ADA2: variants seen among roughly 807,000 people sequenced by gnomAD.
ADA2 encodes the protein adenosine deaminase CECR1.
In ADA2, 29 loss-of-function variants were observed where a neutral mutation model predicts 44.2. The ratio of observed to expected loss-of-function variants is 0.66; its 90% CI spans 0.49 to 0.89. The LOEUF (loss-of-function observed/expected upper bound fraction) is 0.89. Ranked by LOEUF, ADA2 falls within the 40% of genes least tolerant of loss-of-function variation. The pLI, the probability that ADA2 is intolerant of heterozygous loss-of-function variation, is 0.00. For synonymous variants in ADA2, 215 were observed against 234.9 expected, an observed-to-expected ratio of 0.92 and a Z score of 0.77; for missense variants, 637 against 644.8, an observed-to-expected ratio of 0.99 and a Z score of 0.13.
At chr22:17,215,059 C>G (rs1311035472) in intron 1 of ADA2, among the ~76,000 whole-genome samples, 1 of 152,152 alleles carries the variant, frequency 6.6e-6, no homozygotes, top group Non-Finnish European at 1.5e-5. Flanking sequence ...GCCCAGGCAT[C>G]CGTCTTGGAG....
chr22:17,203,173 G>A (rs184661339), intron 4 of ADA2, among the ~76,000 whole-genome samples: 1 of 152,128 alleles, frequency 6.6e-6, no homozygotes, highest in South Asian at 2.1e-4. Flanking sequence ...TCCCATGGAC[G>A]ATTATGCATC....
chr22:17,209,914 G>C lies in ADA2; in HGVS notation c.-46-191C>G, dbSNP rs552905852. 2.5e-4 allele frequency: 121 copies of C among 485,238 alleles called. 1 individual carries two copies. Among genetic ancestry groups the C allele is most frequent in the Non-Finnish European group, 1.0e-4 (29 of 278,006 alleles). The allele number at this position is 485,238 out of a possible 1,614,324, so 30.1% of individuals were successfully genotyped here. ...ATTTTTTTTTTTTTTTTTTTGAGAC[G>C]GAGTCTCGCTCTGCTGCCCAGGCTG... On this transcript the variant is annotated intron_variant, in intron 1 of 9. Coordinates refer to ENST00000399837, the MANE Select transcript of ADA2 (RefSeq NM_001282225.2).
chr22:17,190,127 A>T, intron 5 of ADA2, 95 bp from the exon 6 acceptor site: 3 of 988,320 alleles, frequency 3.0e-6, no homozygotes, highest in Non-Finnish European at 4.8e-6. Context: ...GGCCAGCCCC[A>T]AGTGTGCAGG....
chr22:17,208,870 C>T (rs2123714031), intron 2 of ADA2, among the ~76,000 whole-genome samples: 1 of 149,850 alleles, frequency 6.7e-6, no homozygotes, highest in South Asian at 2.1e-4. Flanking sequence ...GCTCTGTCGC[C>T]CAGGCTGGAG....
intron 4 of ADA2, among the ~76,000 whole-genome samples, chr22:17,202,116 C>T (rs112678132): frequency 0.011 from 1,592 of 150,606 alleles, 32 homozygotes; most frequent in African/African-American, 0.037. Flanking sequence ...ATTACAGGTG[C>T]GCACCACCAT....
At chr22:17,216,489 G>C (rs77114083) in intron 1 of ADA2, among the ~76,000 whole-genome samples, 2 of 152,004 alleles carry the variant, frequency 1.3e-5, no homozygotes, top group Non-Finnish European at 2.9e-5. Flanking sequence ...AACTAAGACC[G>C]GGCATGGTGG....
Position 17,179,000 on chromosome 22 carries a change from T to C in ADA2, c.*2483A>G, listed in dbSNP as rs1290860312. On this transcript the variant is annotated 3_prime_UTR_variant, in exon 10 of 10. Coordinates refer to ENST00000399837, the MANE Select transcript of ADA2 (RefSeq NM_001282225.2). ...CCAGGCACAGCTTATGGTTGCTGTT[T>C]TTTCCCAGTTCCAGGAACCAAATGG... 1 of 152,258 alleles carries C rather than the reference T, an allele frequency of 6.6e-6. No homozygotes were observed. Among genetic ancestry groups the C allele is most frequent in the Admixed American group, 6.5e-5 (1 of 15,280 alleles). The allele number at this position is 152,258 out of a possible 1,614,324, so 9.4% of individuals were successfully genotyped here.
At position 17,181,214 on chromosome 22, in the gene ADA2, C is replaced by T. The variant is rs1456554665; in HGVS notation, c.*269G>A. 1.4e-4 allele frequency: 58 copies of T among 408,926 alleles called. 1 individual carries two copies. The South Asian group carries it at 1.5e-3, about 11-fold the overall frequency. 25.3% of individuals were successfully genotyped at this position (408,926 alleles called of 1,614,324 possible). ...AGGACTGAGTCCTGAGGAAACAGCA[C>T]AGAGATCAGAGAGAGGAGAAGACTC... On this transcript the variant is annotated 3_prime_UTR_variant, in exon 10 of 10. Transcript: ENST00000399837.
intron 4 of ADA2, among the ~76,000 whole-genome samples, chr22:17,197,888 A>G (rs2062212839): frequency 1.3e-5 from 2 of 152,098 alleles, no homozygotes. Flanking sequence ...AAAATAGAAA[A>G]TTAGCCGGGT....
chr22:17,195,719 C>T (rs2062181788), intron 4 of ADA2, among the ~76,000 whole-genome samples: 1 of 151,454 alleles, frequency 6.6e-6, no homozygotes, highest in African/African-American at 2.4e-5. Context: ...ACCGATAATG[C>T]CAATCATGGA....
chr22:17,204,025 C>T (rs1162358129), intron 3 of ADA2, among the ~76,000 whole-genome samples: 9 of 152,162 alleles, frequency 5.9e-5, no homozygotes, highest in African/African-American at 2.2e-4. Context: ...GATGAGAGCT[C>T]ACCAGTCAGT....
intron 1 of ADA2, among the ~76,000 whole-genome samples, chr22:17,212,781 C>T (rs1601466203): frequency 7.0e-6 from 1 of 142,130 alleles, no homozygotes; most frequent in Admixed American, 7.1e-5. Context: ...TTCTTTCTTT[C>T]TTTTTTTTTT....
chr22:17,191,606 C>G, intron 5 of ADA2, 77 bp downstream of exon 5: 1 of 1,522,606 alleles, frequency 6.6e-7, no homozygotes, highest in South Asian at 1.2e-5. Flanking sequence ...CGCTTCTCAC[C>G]CCTCCCCTCC....
chr22:17,199,112 T>TCCCCTC (rs1353742375), intron 4 of ADA2, among the ~76,000 whole-genome samples: 1 of 151,852 alleles, frequency 6.6e-6, no homozygotes, highest in African/African-American at 2.4e-5. Flanking sequence ...AATGGGCACA[T>TCCCCTC]CCCCTCCCCC....
chr22:17,185,000 A>ATATATATATATATATATATATATATATC, intron 7 of ADA2, among the ~76,000 whole-genome samples: 1 of 134,584 alleles, frequency 7.4e-6, no homozygotes. Flanking sequence ...ATATATATAT[A>ATATATATATATATATATATATATATATC]TATATATGAA....
intron 4 of ADA2, among the ~76,000 whole-genome samples, chr22:17,194,882 G>C (rs5748938): frequency 0.012 from 1,767 of 152,030 alleles, 37 homozygotes; most frequent in South Asian, 0.066. Flanking sequence ...AATGAAGAAA[G>C]AGCTCTTTGC....
intron 4 of ADA2, among the ~76,000 whole-genome samples, 170 bp downstream of exon 4, chr22:17,203,393 C>T (rs893399799): frequency 6.6e-6 from 1 of 152,064 alleles, no homozygotes; most frequent in African/African-American, 2.4e-5. Flanking sequence ...TGGAGGCTGC[C>T]CAGTCCATTT....
At chr22:17,191,866 C>T in intron 4 of ADA2, 56 bp from the exon 5 acceptor site, 5 of 1,557,542 alleles carry the variant, frequency 3.2e-6, no homozygotes, top group Non-Finnish European at 4.3e-6. Context: ...ACGCCACCCC[C>T]TTCCCAGCCA....
Position 17,209,523 on chromosome 22 carries a change from A to G in ADA2, c.155T>C (p.Leu52Pro), listed in dbSNP as rs2062393909. Residue 52 changes from leucine (L) to proline (P), a missense_variant, in exon 2 of 10, where the codon CTG (leucine) becomes CCG (proline). Physicochemically the swap from Leu to Pro is moderately conservative, Grantham distance 98. Transcript: ENST00000399837. ...ATTGGCCAGCTCCTCCTTGGTGTTC[A>G]GCACCAGCCGCCCCCCCAGCCGCAT... ...KMMRLGGRLV[L>P]NTKEELANER... 1 of 1,614,132 alleles carries G rather than the reference A, an allele frequency of 6.2e-7. No individual in the cohort carries two copies. Among genetic ancestry groups the G allele is most frequent in the Non-Finnish European group, 8.5e-7 (1 of 1,180,030 alleles).
Sources: gnomAD v4.1 joint callset for allele counts (sites outside exome capture counted in the v4.1 genomes callset) on GRCh38, gnomAD v4.1.1 for gene constraint, MANE v1.5 for transcripts, NCBI Gene and HGNC (gene_info 2026-07-23, HGNC 2026-07-21) for gene names.